APP: variants seen among roughly 807,000 people sequenced by gnomAD.
The protein encoded by APP is amyloid beta precursor protein.
APP carries 31 observed loss-of-function variants against 101.4 expected under a neutral mutation model. The observed-to-expected ratio is 0.31, with a 90% CI of 0.23 to 0.41. APP has a LOEUF of 0.41. Ranked by LOEUF, APP falls within the 10% of genes least tolerant of loss-of-function variation. The pLI is 1.00. For missense variants in APP, 839 were observed against 1,003.7 expected (o/e 0.84, Z 2.22); for synonymous variants, 366 against 364.4 (o/e 1.00, Z -0.05).
intron 1 of APP, among the ~76,000 whole-genome samples, chr21:26,121,257 G>A (rs1235300859): frequency 6.6e-6 from 1 of 152,176 alleles, no homozygotes; most frequent in Admixed American, 6.5e-5. Context: ...CCCTGAAATA[G>A]AGTATCCCCA....
intron 14 of APP, among the ~76,000 whole-genome samples, chr21:25,907,748 C>T (rs980031479): frequency 1.3e-5 from 2 of 152,204 alleles, no homozygotes; most frequent in Non-Finnish European, 2.9e-5. Context: ...TACAAACTCT[C>T]TACCAGGCCA....
chr21:25,906,624 C>G (rs1038505097), intron 14 of APP, among the ~76,000 whole-genome samples: 4 of 152,230 alleles, frequency 2.6e-5, no homozygotes, highest in Non-Finnish European at 2.9e-5. Context: ...TTCTGCAACT[C>G]CCAAATACAT....
rs145718675 is a variant in APP at position 26,019,147 on chromosome 21, T to C, written c.865+2693A>G. 6.6e-5 allele frequency among the ~76,000 whole-genome samples: 10 copies of C among 152,338 alleles called. No homozygotes were observed. The East Asian group carries it at 1.9e-3, about 29-fold the overall frequency. ...GCATCAAAACAAAATCTCTTTATTGTCTCCTGGAAAAATCTGCAGCGCACA... is the reference window on the plus strand; with the variant it reads ...GCATCAAAACAAAATCTCTTTATTGCCTCCTGGAAAAATCTGCAGCGCACA... On this transcript the variant is annotated intron_variant, in intron 6 of 17. Transcript: ENST00000346798.
chr21:26,136,153 A>AGAAAC (rs2062900083), intron 1 of APP, among the ~76,000 whole-genome samples: 1 of 112,538 alleles, frequency 8.9e-6, no homozygotes, highest in Non-Finnish European at 1.7e-5. Context: ...AGAAAAGAAA[A>AGAAAC]GAAAAGAAAA....
chr21:25,942,745 G>A (rs912457985), intron 13 of APP: 6 of 152,076 alleles, frequency 3.9e-5, no homozygotes, highest in Non-Finnish European at 7.4e-5. Flanking sequence ...CGAATGATAT[G>A]AATATACATA....
At chr21:26,074,105 T>C (rs1442839743) in intron 3 of APP, among the ~76,000 whole-genome samples, 1 of 152,174 alleles carries the variant, frequency 6.6e-6, no homozygotes, top group Non-Finnish European at 1.5e-5. Context: ...TAAAATGTTA[T>C]ACCACGTTCT....
At chr21:26,009,884 G>T (rs181381494) in intron 6 of APP, 51 of 173,722 alleles carry the variant, frequency 2.9e-4, no homozygotes, top group African/African-American at 1.1e-3. Flanking sequence ...CATCGTGCCT[G>T]GCCAGAATGT....
chr21:25,885,592 G>A (rs745369113), intron 17 of APP, among the ~76,000 whole-genome samples: 1 of 152,076 alleles, frequency 6.6e-6, no homozygotes, highest in Non-Finnish European at 1.5e-5. Context: ...AATGATCTGA[G>A]GTCTTCATGT....
At chr21:25,995,868 T>A (rs898305495) in intron 8 of APP, among the ~76,000 whole-genome samples, 2 of 152,172 alleles carry the variant, frequency 1.3e-5, no homozygotes, top group Non-Finnish European at 2.9e-5. Flanking sequence ...GCAGTCTTTT[T>A]TAAAATACCT....
At chr21:25,892,808 T>C (rs778570506) in intron 16 of APP, among the ~76,000 whole-genome samples, 40 of 152,208 alleles carry the variant, frequency 2.6e-4, no homozygotes, top group Non-Finnish European at 2.5e-4. Context: ...ACCACAACTT[T>C]TATCATCTTG....
At chr21:25,915,677 G>A (rs1337257216) in intron 13 of APP, among the ~76,000 whole-genome samples, 2 of 152,250 alleles carry the variant, frequency 1.3e-5, no homozygotes, top group African/African-American at 4.8e-5. Context: ...AGGGGCAGCT[G>A]GAAAGGGCCC....
chr21:25,945,279 G>C (rs1191047170), intron 13 of APP, among the ~76,000 whole-genome samples: 1 of 151,272 alleles, frequency 6.6e-6, no homozygotes, highest in Non-Finnish European at 1.5e-5. Context: ...ATCATTTCGA[G>C]GCAAATATCA....
chr21:26,059,029 C>A (rs919427602), intron 3 of APP, among the ~76,000 whole-genome samples: 1 of 150,868 alleles, frequency 6.6e-6, no homozygotes, highest in Non-Finnish European at 1.5e-5. Context: ...TGCAGTGAGC[C>A]GAGATCGCGC....
In APP at chr21:25,881,605, G is replaced by A; in HGVS notation, c.*65C>T. 6.6e-7 allele frequency: 1 copy of A among 1,517,120 alleles called. No homozygotes were observed. The highest frequency in any genetic ancestry group is 1.4e-5 in the African/African-American group (1 of 73,002). 94.0% of individuals were successfully genotyped at this position (1,517,120 alleles called of 1,614,324 possible). ...TTTCTTCCCACATTATTCTATAAATGGACACCGATGGGTAGTGAAGCAATG... is the reference window on the plus strand; with the variant it reads ...TTTCTTCCCACATTATTCTATAAATAGACACCGATGGGTAGTGAAGCAATG... On this transcript the variant is annotated 3_prime_UTR_variant, in exon 18 of 18. Coordinates refer to ENST00000346798, the MANE Select transcript of APP (RefSeq NM_000484.4).
At chr21:26,123,740 C>G (rs2062623432) in intron 1 of APP, among the ~76,000 whole-genome samples, 1 of 152,088 alleles carries the variant, frequency 6.6e-6, no homozygotes, top group African/African-American at 2.4e-5. Context: ...GCCGAAAGAA[C>G]AGAAGACCAA....
intron 16 of APP, among the ~76,000 whole-genome samples, chr21:25,894,239 C>A (rs554586124): frequency 2.0e-5 from 3 of 152,156 alleles, no homozygotes; most frequent in Admixed American, 6.5e-5. Context: ...TGTTTTCATG[C>A]CTGCTAACAC....
At chr21:26,120,638 G>T (rs533867990) in intron 1 of APP, among the ~76,000 whole-genome samples, 1 of 152,198 alleles carries the variant, frequency 6.6e-6, no homozygotes, top group African/African-American at 2.4e-5. Context: ...AGATCTGATT[G>T]ATTTTGTGAG....
chr21:26,134,928 A>C (rs2146286572), intron 1 of APP, among the ~76,000 whole-genome samples: 1 of 152,286 alleles, frequency 6.6e-6, no homozygotes. Flanking sequence ...CTTCCTTAAA[A>C]CTTCGATGTT....
At chr21:25,949,110 T>G (rs2040955177) in intron 13 of APP, among the ~76,000 whole-genome samples, 1 of 152,114 alleles carries the variant, frequency 6.6e-6, no homozygotes, top group Non-Finnish European at 1.5e-5. Flanking sequence ...AATAAAAACA[T>G]TAATAAATGA....
Sources: gnomAD v4.1 joint callset for allele counts (sites outside exome capture counted in the v4.1 genomes callset) on GRCh38, gnomAD v4.1.1 for gene constraint, MANE v1.5 for transcripts, NCBI Gene and HGNC (gene_info 2026-07-23, HGNC 2026-07-21) for gene names.